Variants in FBLN2 observed in about 807,000 individuals in gnomAD.
The protein encoded by FBLN2 is fibulin-2.
In FBLN2, 81 loss-of-function variants were observed where a neutral mutation model predicts 123.7. The observed-to-expected ratio is 0.65, with a 90% CI of 0.55 to 0.79. FBLN2 has a LOEUF of 0.79. Among genes scored for constraint, FBLN2 ranks in the 30% least tolerant of loss-of-function variants. The pLI is 0.00. For missense variants in FBLN2, 1,603 were observed against 1,681.3 expected, an observed-to-expected ratio of 0.95 and a Z score of 0.81; for synonymous variants, 699 against 701.4, an observed-to-expected ratio of 1.00 and a Z score of 0.05.
intron 5 of FBLN2, among the ~76,000 whole-genome samples, chr3:13,615,026 A>G (rs566664216): frequency 6.6e-6 from 1 of 150,672 alleles, no homozygotes; most frequent in African/African-American, 2.5e-5. Context: ...CCATCCATGC[A>G]TCCATCCTCG....
intron 1 of FBLN2, among the ~76,000 whole-genome samples, chr3:13,559,602 G>C (rs562270182): frequency 1.3e-5 from 2 of 152,328 alleles, no homozygotes; most frequent in African/African-American, 4.8e-5. Flanking sequence ...AGGGTGATAG[G>C]GCCACAGAAC....
Position 13,570,239 on chromosome 3 carries a change from C to T in FBLN2, c.-41-76C>T, listed in dbSNP as rs1703886027. 16 of 1,419,456 alleles carry T rather than the reference C, an allele frequency of 1.1e-5. No individual in the cohort carries two copies. The Admixed American group carries it at 4.0e-4, about 36-fold the overall frequency. 87.9% of individuals were successfully genotyped at this position (1,419,456 alleles called of 1,614,324 possible). Reference sequence around the variant, plus strand: ...GAGGTGGCTGAGGCTGGGCCCCTGCCCGCGTGCGTGCCGGTGTGCACCGTG... The same window carrying T: ...GAGGTGGCTGAGGCTGGGCCCCTGCTCGCGTGCGTGCCGGTGTGCACCGTG... On this transcript the variant is annotated intron_variant, in intron 1 of 17. Transcript: ENST00000404922.
intron 1 of FBLN2, among the ~76,000 whole-genome samples, chr3:13,555,295 A>G (rs1225713532): frequency 6.6e-6 from 1 of 151,996 alleles, no homozygotes; most frequent in Non-Finnish European, 1.5e-5. Flanking sequence ...ACAACTGTAG[A>G]CAGAAATCAG....
chr3:13,630,126 C>T (rs1706206837), intron 14 of FBLN2, among the ~76,000 whole-genome samples, 181 bp downstream of exon 14: 1 of 152,222 alleles, frequency 6.6e-6, no homozygotes, highest in Admixed American at 6.5e-5. Context: ...TCCACTCTCA[C>T]CTTCCTTCTG....
At chr3:13,552,970 G>A (rs1703365153) in intron 1 of FBLN2, among the ~76,000 whole-genome samples, 1 of 152,132 alleles carries the variant, frequency 6.6e-6, no homozygotes, top group African/African-American at 2.4e-5. Context: ...CTTTGTCGGG[G>A]CCATCCTGGA....
At chr3:13,565,741 C>T (rs1393603194) in intron 1 of FBLN2, among the ~76,000 whole-genome samples, 2 of 152,200 alleles carry the variant, frequency 1.3e-5, no homozygotes, top group African/African-American at 2.4e-5. Flanking sequence ...CGGTGGCCTC[C>T]ACCTGCCAAC....
At chr3:13,619,084 C>A in intron 7 of FBLN2, 67 bp downstream of exon 7, 1 of 1,236,340 alleles carries the variant, frequency 8.1e-7, no homozygotes, top group Non-Finnish European at 1.1e-6. Flanking sequence ...GGGCTGCTTG[C>A]AGGTGGTGAG....
chr3:13,617,637 A>G (rs1413489132), intron 5 of FBLN2, among the ~76,000 whole-genome samples: 2 of 129,486 alleles, frequency 1.5e-5, no homozygotes, highest in African/African-American at 3.1e-5. Context: ...CCACCCACCC[A>G]TTCATTCACC....
chr3:13,595,614 A>G (rs1328029369), intron 2 of FBLN2, among the ~76,000 whole-genome samples: 1 of 152,142 alleles, frequency 6.6e-6, no homozygotes, highest in African/African-American at 2.4e-5. Context: ...AGGCCCCACA[A>G]ATATCCTGTC....
At chr3:13,585,380 G>T (rs532634047) in intron 2 of FBLN2, among the ~76,000 whole-genome samples, 2 of 152,272 alleles carry the variant, frequency 1.3e-5, no homozygotes, top group East Asian at 3.9e-4. Context: ...GTATTTTAGT[G>T]GGGGGTGTGC....
chr3:13,577,093 G>A (rs1250846640), intron 2 of FBLN2, among the ~76,000 whole-genome samples: 1 of 151,906 alleles, frequency 6.6e-6, no homozygotes, highest in Non-Finnish European at 1.5e-5. Flanking sequence ...TGTGGTGGTA[G>A]GCACCTGTAA....
At chr3:13,561,915 C>T (rs2125036451) in intron 1 of FBLN2, among the ~76,000 whole-genome samples, 1 of 152,334 alleles carries the variant, frequency 6.6e-6, no homozygotes, top group Admixed American at 6.5e-5. Flanking sequence ...AGATCATTTA[C>T]TCTGTCTGGG....
chr3:13,613,800 A>T, intron 4 of FBLN2, 184 bp from the exon 5 acceptor site: 1 of 564,326 alleles, frequency 1.8e-6, no homozygotes, highest in Non-Finnish European at 3.0e-6. Context: ...AAAGACTTAC[A>T]TTAGTCCTAC....
chr3:13,611,872 G>A (rs1705402478), intron 4 of FBLN2, among the ~76,000 whole-genome samples: 1 of 152,192 alleles, frequency 6.6e-6, no homozygotes, highest in African/African-American at 2.4e-5. Flanking sequence ...TTTATTCTGG[G>A]AGGTCAGGTG....
At chr3:13,636,612 G>A in intron 17 of FBLN2, 44 bp downstream of exon 17, 6 of 1,598,358 alleles carry the variant, frequency 3.8e-6, no homozygotes, top group Non-Finnish European at 5.1e-6. Flanking sequence ...AGCCTGTCCT[G>A]GTCCTGTACT....
intron 9 of FBLN2, among the ~76,000 whole-genome samples, chr3:13,622,316 C>G (rs1395944731): frequency 2.6e-5 from 4 of 152,182 alleles, no homozygotes; most frequent in Non-Finnish European, 5.9e-5. Context: ...TCGTCTTCCC[C>G]CAGCTGTGGT....
Position 13,614,019 on chromosome 3 carries a change from G to C in FBLN2, c.1584G>C (p.Val528=). The change falls in exon 5 of 18, where the codon GTG becomes GTC. Residue 528 remains valine, a synonymous_variant. Transcript: ENST00000404922. ...CCDCCGLGLR[V]RAEGQSCESN... is the part of the protein sequence containing the mutation. ...ACTGCTGTGGCCTGGGCCTCCGCGT[G>C]CGGGCCGAGGGCCAGTCGTGTGAGT... The C allele has an allele frequency of 6.2e-7, 1 of 1,613,218 alleles. No individual in the cohort carries two copies. Among genetic ancestry groups the C allele is most frequent in the South Asian group, 1.1e-5 (1 of 91,080 alleles).
In FBLN2 at chr3:13,571,278, C is replaced by T; in HGVS notation, c.923C>T (p.Pro308Leu). The T allele has an allele frequency of 3.8e-6, 6 of 1,572,102 alleles. No homozygotes were observed. Among genetic ancestry groups the T allele is most frequent in the Non-Finnish European group, 5.2e-6 (6 of 1,159,456 alleles). The change falls in exon 2 of 18, where the codon CCC (proline) becomes CTC (leucine). Residue 308 changes from proline to leucine, a missense_variant. Coordinates refer to ENST00000404922, the MANE Select transcript of FBLN2 (RefSeq NM_001004019.2). ...GGCCACAGGGGGCTGGATGGGCTGCCCACTACAGCCCCAGCTGGACCCAGT... is the reference window on the plus strand; with the variant it reads ...GGCCACAGGGGGCTGGATGGGCTGCTCACTACAGCCCCAGCTGGACCCAGT... ...AGGHRGLDGL[P>L]TTAPAGPSLP...
chr3:13,627,582 A>C (rs981011543), intron 10 of FBLN2, among the ~76,000 whole-genome samples: 2 of 152,192 alleles, frequency 1.3e-5, no homozygotes, highest in African/African-American at 2.4e-5. Flanking sequence ...GTGGGGTTTA[A>C]GGAAATAAAT....
Sources: gnomAD v4.1 joint callset for allele counts (sites outside exome capture counted in the v4.1 genomes callset) on GRCh38, gnomAD v4.1.1 for gene constraint, MANE v1.5 for transcripts, NCBI Gene and HGNC (gene_info 2026-07-23, HGNC 2026-07-21) for gene names.